C1QTNF9: variants seen among roughly 807,000 people sequenced by gnomAD.
The protein encoded by C1QTNF9 is complement C1q and tumor necrosis factor-related protein 9A.
In C1QTNF9, 6 loss-of-function variants were observed where a neutral mutation model predicts 10.1. That is an observed-to-expected ratio of 0.59 (90% confidence interval 0.32 to 1.17). The LOEUF is 1.17. C1QTNF9 is among the 50% of genes most tolerant of loss of function. The pLI, the probability that C1QTNF9 is intolerant of heterozygous loss-of-function variation, is 0.04. For synonymous variants in C1QTNF9, 98 were observed against 163.5 expected (o/e 0.60, Z 3.06); for missense variants, 201 against 418.8 (o/e 0.48, Z 4.54).
At chr13:24,316,088 G>A in exon 2 of C1QTNF9, 4 of 1,613,356 alleles carry the variant, frequency 2.5e-6, no homozygotes, top group Non-Finnish European at 3.4e-6. Flanking sequence ...AGGGCACCCT[G>A]GAATCCCTGG....
intron 2 of C1QTNF9, among the ~76,000 whole-genome samples, chr13:24,316,690 CTGCTTA>C (rs1878053029): frequency 6.6e-6 from 1 of 152,206 alleles, no homozygotes; most frequent in Non-Finnish European, 1.5e-5. Context: ...CATACAGCTG[CTGCTTA>C]TGCATCTATA....
chr13:24,311,437 A>G (rs569115865), intron 1 of C1QTNF9, among the ~76,000 whole-genome samples: 38 of 152,370 alleles, frequency 2.5e-4, no homozygotes, highest in African/African-American at 8.9e-4. Flanking sequence ...ATGCGGTCAC[A>G]GCATTCTGCA....
At position 24,315,895 on chromosome 13, in the gene C1QTNF9, T is replaced by C. The variant is rs1170036791; in HGVS notation, c.-22-87T>C. 6 of 1,442,072 alleles carry C rather than the reference T, an allele frequency of 4.2e-6. No homozygotes were observed. In the Admixed American group the frequency reaches 5.8e-5, roughly 14 times the overall value. 89.3% of individuals were successfully genotyped at this position (1,442,072 alleles called of 1,614,324 possible). A position where few individuals can be genotyped will look rare whatever the true frequency, so the allele number is the denominator to read the frequency against. ...TGGGTCTGGGGCAGGGGACAGCTCATCCATTTCCCACTGCACGGAACAGAG... is the reference window on the plus strand; with the variant it reads ...TGGGTCTGGGGCAGGGGACAGCTCACCCATTTCCCACTGCACGGAACAGAG... On this transcript the variant is annotated intron_variant, in intron 1 of 3. Transcript: ENST00000332018.
At chr13:24,316,200 A>G (rs764173724) in intron 2 of C1QTNF9, 31 bp downstream of exon 2, 34 of 1,510,118 alleles carry the variant, frequency 2.3e-5, no homozygotes, top group Non-Finnish European at 1.8e-6. Context: ...GCTGCCTTTC[A>G]ACTTCTCTCT....
At chr13:24,314,575 G>C (rs1484202818) in intron 1 of C1QTNF9, among the ~76,000 whole-genome samples, 1 of 152,060 alleles carries the variant, frequency 6.6e-6, no homozygotes. Context: ...CCAGCTACTT[G>C]AGAAGCCGAA....
At chr13:24,320,998 G>A in exon 4 of C1QTNF9, 1 of 1,586,296 alleles carries the variant, frequency 6.3e-7, no homozygotes, top group South Asian at 1.2e-5. Flanking sequence ...CTATTTAGGA[G>A]CAGATGGAAA....
rs528733042 is a variant in C1QTNF9, at chr13:24,318,399, T to C, written c.167-419T>C. On this transcript the variant is annotated intron_variant, in intron 2 of 3. Transcript: ENST00000332018. ...CATAGGAGCCTAGTAAATCTTCCGT[T>C]CCACTCTCCTCAAGAGTAATGGAAG... Among the ~76,000 whole-genome samples, 3 of 152,280 alleles carry C rather than the reference T, an allele frequency of 2.0e-5. No homozygotes were observed. In the South Asian group the frequency reaches 6.2e-4, roughly 32 times the overall value.
At chr13:24,320,671 CACTGA>C (rs1370875305) in intron 3 of C1QTNF9, among the ~76,000 whole-genome samples, 2 of 152,124 alleles carry the variant, frequency 1.3e-5, no homozygotes, top group African/African-American at 4.8e-5. Flanking sequence ...AGGCATGAGC[CACTGA>C]GCTGGGCTGG....
At chr13:24,317,203 A>G (rs927920675) in intron 2 of C1QTNF9, among the ~76,000 whole-genome samples, 1 of 151,958 alleles carries the variant, frequency 6.6e-6, no homozygotes, top group Non-Finnish European at 1.5e-5. Context: ...GAATAGCAAA[A>G]CCTTACCATT....
At chr13:24,321,743 G>T (rs1878284174) in exon 4 of C1QTNF9, 2 of 1,588,670 alleles carry the variant, frequency 1.3e-6, no homozygotes, top group Non-Finnish European at 8.6e-7. Flanking sequence ...ACTTTCACAG[G>T]GTTCCTTCTG....
rs369657411 is a variant in C1QTNF9 at position 24,320,985 on chromosome 13, T to C, written c.230-11T>C. The stretch of plus-strand genomic sequence containing the variant: ...ACAAGCTATCTCTTTATTTGCTCTT[T>C]CTCTATTTAGGAGCAGATGGAAAAG... On this transcript the variant is annotated splice_polypyrimidine_tract_variant and intron_variant, in intron 3 of 3. Transcript: ENST00000332018. The C allele has an allele frequency of 3.9e-4, 613 of 1,581,392 alleles. 4 individuals are homozygous for C. The African/African-American group carries it at 7.6e-3, about 20-fold the overall frequency.
At chr13:24,313,163 C>T (rs1027869033) in intron 1 of C1QTNF9, among the ~76,000 whole-genome samples, 3 of 152,078 alleles carry the variant, frequency 2.0e-5, no homozygotes, top group Non-Finnish European at 2.9e-5. Context: ...TACTTTGCTA[C>T]GTATTTGGGA....
At chr13:24,311,879 C>T (rs1387749208) in intron 1 of C1QTNF9, among the ~76,000 whole-genome samples, 1 of 152,154 alleles carries the variant, frequency 6.6e-6, no homozygotes, top group Admixed American at 6.5e-5. Context: ...CACACCCCCC[C>T]ACAGGAAGCG....
intron 3 of C1QTNF9, among the ~76,000 whole-genome samples, chr13:24,319,204 G>C (rs1158432499): frequency 6.6e-6 from 1 of 152,100 alleles, no homozygotes; most frequent in East Asian, 1.9e-4. Context: ...AATTTCCCAT[G>C]GTTTCCATGT....
chr13:24,313,749 A>AT (rs950801409), intron 1 of C1QTNF9, among the ~76,000 whole-genome samples: 5 of 152,204 alleles, frequency 3.3e-5, no homozygotes, highest in Admixed American at 6.5e-5. Flanking sequence ...ATAAAAAAGC[A>AT]TTTTTTATAA....
chr13:24,311,774 A>G (rs1877830692), intron 1 of C1QTNF9, among the ~76,000 whole-genome samples: 1 of 152,224 alleles, frequency 6.6e-6, no homozygotes, highest in African/African-American at 2.4e-5. Flanking sequence ...ATGTGCTGGC[A>G]GGTCTGGTCT....
chr13:24,320,240 G>A (rs117110896), intron 3 of C1QTNF9, among the ~76,000 whole-genome samples: 11,027 of 151,604 alleles, frequency 0.073, 588 homozygotes, highest in East Asian at 0.25. Context: ...ATTATTTAAT[G>A]GCCAGCATGG....
At chr13:24,315,915 A>G in intron 1 of C1QTNF9, 67 bp from the exon 2 acceptor site, 9 of 1,565,112 alleles carry the variant, frequency 5.8e-6, no homozygotes, top group Non-Finnish European at 7.9e-6. Flanking sequence ...ACTGCACGGA[A>G]CAGAGGCTGT....
chr13:24,308,419 G>C (rs1411947407), upstream of C1QTNF9, among the ~76,000 whole-genome samples: 1 of 152,194 alleles, frequency 6.6e-6, no homozygotes, highest in Non-Finnish European at 1.5e-5. Flanking sequence ...GGCTCCTTGC[G>C]TTTAGCCACC....
Sources: allele counts gnomAD v4.1 joint callset (sites outside exome capture counted in the v4.1 genomes callset), GRCh38; gene constraint gnomAD v4.1.1; transcripts MANE v1.5; gene names NCBI Gene and HGNC (gene_info 2026-07-23, HGNC 2026-07-21).